PIN1: variants seen among roughly 807,000 people sequenced by gnomAD.
The protein encoded by PIN1 is peptidyl-prolyl cis-trans isomerase NIMA-interacting 1.
A neutral mutation model predicts 19.9 loss-of-function variants in PIN1; 8 were observed. The ratio of observed to expected loss-of-function variants is 0.40; its 90% CI spans 0.24 to 0.72. The LOEUF is 0.72. PIN1 is among the 30% of genes least tolerant of loss of function. The pLI, the probability that PIN1 is intolerant of heterozygous loss-of-function variation, is 0.37. For synonymous variants in PIN1, 86 were observed against 90.8 expected (o/e 0.95, Z 0.30); for missense variants, 185 against 226.5 (o/e 0.82, Z 1.18).
At position 9,846,578 on chromosome 19, in the gene PIN1, C is replaced by T. The variant is rs976030466; in HGVS notation, c.272-1452C>T. On this transcript the variant is annotated intron_variant, in intron 2 of 3. Transcript: ENST00000247970. This position sits in a 1 kb window ranked among gnomAD's most constrained non-coding sequence, Gnocchi z 5.9. ...ACGGTGGTACCATTTCCACTGCAGT[C>T]CCAAGCAGGTTAGAGCGTGAGGCCG... 6.6e-6 allele frequency among the ~76,000 whole-genome samples: 1 copy of T among 152,098 alleles called. No homozygotes were observed. Among genetic ancestry groups the T allele is most frequent in the African/African-American group, 2.4e-5 (1 of 41,426 alleles).
intron 2 of PIN1, among the ~76,000 whole-genome samples, chr19:9,839,355 G>A (rs1267832945): frequency 6.6e-6 from 1 of 150,910 alleles, no homozygotes; most frequent in Admixed American, 6.6e-5. Flanking sequence ...GGCAGAGGTT[G>A]CAGTGAGCCG....
At chr19:9,848,309 G>A in intron 3 of PIN1, 169 bp downstream of exon 3, 1 of 617,232 alleles carries the variant, frequency 1.6e-6, no homozygotes, top group Non-Finnish European at 2.9e-6. Context: ...GCTGGGCAGG[G>A]CCAGGGCCAC....
At position 9,836,936 on chromosome 19, in the gene PIN1, G is replaced by A. The variant is rs923731769; in HGVS notation, c.59-1500G>A. 4 of 937,626 alleles carry A rather than the reference G, an allele frequency of 4.3e-6. No individual in the cohort carries two copies. The Admixed American group carries it at 7.0e-5, about 16-fold the overall frequency. The allele number at this position is 937,626 out of a possible 1,614,324, so 58.1% of individuals were successfully genotyped here. A position where few individuals can be genotyped will look rare whatever the true frequency, so the allele number is the denominator to read the frequency against. On this transcript the variant is annotated intron_variant, in intron 1 of 3. Coordinates refer to ENST00000247970, the MANE Select transcript of PIN1 (RefSeq NM_006221.4). The stretch of plus-strand genomic sequence containing the variant: ...TAATAAAGGCTATCCCACTCTTAAT[G>A]TGTGCCAGTTTCTGTCCTAGGCATT...
chr19:9,835,362 G>A lies in PIN1; in HGVS notation c.18G>A (p.Lys6=). The change falls in exon 1 of 4, where the codon AAG becomes AAA. Residue 6 remains lysine (K), a synonymous_variant. Coordinates refer to ENST00000247970, the MANE Select transcript of PIN1 (RefSeq NM_006221.4). ...GAGGGAAGATGGCGGACGAGGAGAA[G>A]CTGCCGCCCGGCTGGGAGAAGCGCA... The part of the protein sequence containing the change: MADEE[K]LPPGWEKRMS... 1.1e-5 allele frequency: 16 copies of A among 1,522,836 alleles called. No individual in the cohort carries two copies. The highest frequency in any genetic ancestry group is 1.4e-5 in the Non-Finnish European group (16 of 1,141,862). 94.3% of individuals were successfully genotyped at this position (1,522,836 alleles called of 1,614,324 possible).
chr19:9,841,360 GAGT>G (rs2046164366), intron 2 of PIN1, among the ~76,000 whole-genome samples: 3 of 152,192 alleles, frequency 2.0e-5, no homozygotes, highest in African/African-American at 7.2e-5. Context: ...GCCTGGCCCA[GAGT>G]CAGCCCTCAC....
At chr19:9,835,428 G>C in intron 1 of PIN1, 26 bp downstream of exon 1, 1 of 1,441,662 alleles carries the variant, frequency 6.9e-7, no homozygotes, top group Non-Finnish European at 9.1e-7. Context: ...GGGCTGGGGC[G>C]GGACTGCGCG....
Position 9,849,290 on chromosome 19 carries a change from C to G in PIN1, c.*91C>G, listed in dbSNP as rs771519886. On this transcript the variant is annotated 3_prime_UTR_variant, in exon 4 of 4. Transcript: ENST00000247970. Reference sequence around the variant, plus strand: ...CCCGCCAGCCAGTGGCCGAACCCCCCACTCCCTGCCACCGTCACACAGTAT... The same window carrying G: ...CCCGCCAGCCAGTGGCCGAACCCCCGACTCCCTGCCACCGTCACACAGTAT... 3 of 794,972 alleles carry G rather than the reference C, an allele frequency of 3.8e-6. No homozygotes were observed. The highest frequency in any genetic ancestry group is 2.6e-5 in the East Asian group (1 of 37,740). 49.2% of individuals were successfully genotyped at this position (794,972 alleles called of 1,614,324 possible).
At chr19:9,837,610 C>T (rs2046122013) in intron 1 of PIN1, 2 of 154,882 alleles carry the variant, frequency 1.3e-5, no homozygotes, top group Non-Finnish European at 2.8e-5. Flanking sequence ...TACAGACATA[C>T]ACCACAACGC....
chr19:9,841,971 G>A (rs941868506), intron 2 of PIN1, among the ~76,000 whole-genome samples: 1 of 152,276 alleles, frequency 6.6e-6, no homozygotes, highest in South Asian at 2.1e-4. Flanking sequence ...GGATAGTGAG[G>A]AGGGCATGGG....
chr19:9,836,952 C>T lies in PIN1; in HGVS notation c.59-1484C>T, dbSNP rs1019098726. On this transcript the variant is annotated intron_variant, in intron 1 of 3. Coordinates refer to ENST00000247970, the MANE Select transcript of PIN1 (RefSeq NM_006221.4). ...ACTCTTAATGTGTGCCAGTTTCTGT[C>T]CTAGGCATTTTGTAGATGTGTGAGC... 14 of 792,508 alleles carry T rather than the reference C, an allele frequency of 1.8e-5. No homozygotes were observed. In the African/African-American group the frequency reaches 1.8e-4, roughly 10 times the overall value. The allele number at this position is 792,508 out of a possible 1,614,324, so 49.1% of individuals were successfully genotyped here.
chr19:9,841,770 T>G lies in PIN1; in HGVS notation c.271+3122T>G, dbSNP rs34975527. On this transcript the variant is annotated intron_variant, in intron 2 of 3. Coordinates refer to ENST00000247970, the MANE Select transcript of PIN1 (RefSeq NM_006221.4). ...CAGGAGAGAATTGCAAGATGACCCT[T>G]CAGGTCCTCCCAGCTCTAGTGGTCT... Among the ~76,000 whole-genome samples, 1,396 of 152,254 alleles carry G rather than the reference T, an allele frequency of 9.2e-3. 12 individuals are homozygous for G. The highest frequency in any genetic ancestry group is 0.031 in the African/African-American group (1,295 of 41,542).
rs1426749027 is a variant in PIN1 at position 9,846,839 on chromosome 19, C to T, written c.272-1191C>T. Among the ~76,000 whole-genome samples, 1 of 152,116 alleles carries T rather than the reference C, an allele frequency of 6.6e-6. No homozygotes were observed. The highest frequency in any genetic ancestry group is 6.5e-5 in the Admixed American group (1 of 15,278). The stretch of plus-strand genomic sequence containing the variant: ...AGTGTCAGGGTGACATTAAGAAACC[C>T]CCTACTGAGTGTGTCAGGGTGACCT... On this transcript the variant is annotated intron_variant, in intron 2 of 3. Coordinates refer to ENST00000247970, the MANE Select transcript of PIN1 (RefSeq NM_006221.4). The surrounding 1 kb of genome is among the most constrained non-coding windows in gnomAD (Gnocchi z 5.9).
In PIN1 at chr19:9,838,310, C is replaced by T. The variant is rs1599448573; in HGVS notation, c.59-126C>T. ...GAGAGCCTGTGGCACATGGTGGATA[C>T]ACCATGGATTTGTTGAATGAAGGCG... On this transcript the variant is annotated intron_variant, in intron 1 of 3. Transcript: ENST00000247970. The surrounding 1 kb of genome is among the most constrained non-coding windows in gnomAD (Gnocchi z 5.8). The T allele has an allele frequency of 1.3e-6, 1 of 748,874 alleles. No homozygotes were observed. Among genetic ancestry groups the T allele is most frequent in the East Asian group, 2.7e-5 (1 of 37,414 alleles). The allele number at this position is 748,874 out of a possible 1,614,324, so 46.4% of individuals were successfully genotyped here.
rs2046223486 is a variant in PIN1 at position 9,846,676 on chromosome 19, G to T, written c.272-1354G>T. ...CACGGTTGGGTGTCCAGGCCTCCCA[G>T]CACTGGCTAGGTCACCCAGCAGTGT... On this transcript the variant is annotated intron_variant, in intron 2 of 3. Transcript: ENST00000247970. This position sits in a 1 kb window ranked among gnomAD's most constrained non-coding sequence, Gnocchi z 5.9. Among the ~76,000 whole-genome samples the T allele has an allele frequency of 6.6e-6, 1 of 152,186 alleles. No homozygotes were observed. Among genetic ancestry groups the T allele is most frequent in the African/African-American group, 2.4e-5 (1 of 41,440 alleles).
chr19:9,846,200 G>T lies in PIN1; in HGVS notation c.272-1830G>T, dbSNP rs1460732768. On this transcript the variant is annotated intron_variant, in intron 2 of 3. Transcript: ENST00000247970. This position sits in a 1 kb window ranked among gnomAD's most constrained non-coding sequence, Gnocchi z 5.9. Reference sequence around the variant, plus strand: ...CAGGGCATCACGGGCAGAAGCCTCTGTAATGTGCCATCCCAACAGAAGCTG... The same window carrying T: ...CAGGGCATCACGGGCAGAAGCCTCTTTAATGTGCCATCCCAACAGAAGCTG... Among the ~76,000 whole-genome samples the T allele has an allele frequency of 6.6e-6, 1 of 152,242 alleles. No individual in the cohort carries two copies. The highest frequency in any genetic ancestry group is 1.5e-5 in the Non-Finnish European group (1 of 68,042).
At chr19:9,835,808 A>C in intron 1 of PIN1, 1 of 219,508 alleles carries the variant, frequency 4.6e-6, no homozygotes, top group Non-Finnish European at 8.9e-6. Context: ...TCGGGTCCAC[A>C]ACCTACCCCT....
intron 3 of PIN1, 85 bp downstream of exon 3, chr19:9,848,225 C>T (rs779792017): frequency 1.3e-6 from 1 of 792,998 alleles, no homozygotes; most frequent in Non-Finnish European, 2.2e-6. Flanking sequence ...CATTGGGCTC[C>T]CAGGTGCCAC....
chr19:9,849,273 C>A lies in PIN1; in HGVS notation c.*74C>A. 1.0e-6 allele frequency: 1 copy of A among 981,774 alleles called. No individual in the cohort carries two copies. Among genetic ancestry groups the A allele is most frequent in the Non-Finnish European group, 1.6e-6 (1 of 629,158 alleles). The allele number at this position is 981,774 out of a possible 1,614,324, so 60.8% of individuals were successfully genotyped here. On this transcript the variant is annotated 3_prime_UTR_variant, in exon 4 of 4. Coordinates refer to ENST00000247970, the MANE Select transcript of PIN1 (RefSeq NM_006221.4). ...CGGCCAGCTCCCCCTTGCCCGCCAG[C>A]CAGTGGCCGAACCCCCCACTCCCTG...
intron 3 of PIN1, chr19:9,848,442 C>G (rs1276559317): frequency 2.0e-5 from 8 of 403,224 alleles, no homozygotes; most frequent in Admixed American, 1.1e-4. Flanking sequence ...ACATCCTGTC[C>G]TCTGCCTCTT....
Sources: gnomAD v4.1 joint callset for allele counts (sites outside exome capture counted in the v4.1 genomes callset) on GRCh38, gnomAD v4.1.1 for gene constraint, Gnocchi (gnomAD v3.1) non-coding constraint, MANE v1.5 for transcripts, NCBI Gene and HGNC (gene_info 2026-07-23, HGNC 2026-07-21) for gene names.